Variants in MAN2A1 observed in about 807,000 individuals in gnomAD.
MAN2A1 encodes mannosidase alpha class 2A member 1.
Under a neutral mutation model 142.6 loss-of-function variants are expected in MAN2A1, and 76 were observed. The observed-to-expected ratio is 0.53, with a 90% CI of 0.44 to 0.65. MAN2A1 has a LOEUF of 0.65. Ranked by LOEUF, MAN2A1 falls within the 30% of genes least tolerant of loss-of-function variation. MAN2A1 has a pLI of 0.00. For missense variants in MAN2A1, 1,311 were observed against 1,365.1 expected (o/e 0.96, Z 0.62); for synonymous variants, 559 against 473.2 (o/e 1.18, Z -2.35).
chr5:109,760,572 A>G (rs1196884938), intron 5 of MAN2A1, among the ~76,000 whole-genome samples: 5 of 152,072 alleles, frequency 3.3e-5, no homozygotes, highest in African/African-American at 9.7e-5. Context: ...GTCTTCCACA[A>G]TGGTTGATTT....
At chr5:109,720,142 G>T (rs1751561034) in intron 3 of MAN2A1, among the ~76,000 whole-genome samples, 1 of 152,122 alleles carries the variant, frequency 6.6e-6, no homozygotes, top group Non-Finnish European at 1.5e-5. Context: ...TTACTTCAAA[G>T]AAGTCACAGT....
intron 8 of MAN2A1, among the ~76,000 whole-genome samples, chr5:109,777,741 G>C (rs527460114): frequency 6.6e-6 from 1 of 152,004 alleles, no homozygotes; most frequent in Non-Finnish European, 1.5e-5. Context: ...GCTGTGAATT[G>C]TGTGAGGGTA....
At chr5:109,780,875 A>G (rs1322714219) in intron 8 of MAN2A1, among the ~76,000 whole-genome samples, 2 of 152,166 alleles carry the variant, frequency 1.3e-5, no homozygotes, top group Admixed American at 6.5e-5. Flanking sequence ...CTGTTCTTAA[A>G]GTCCCTTCTC....
chr5:109,814,532 C>T (rs3797686), intron 12 of MAN2A1, among the ~76,000 whole-genome samples: 88,185 of 151,948 alleles, frequency 0.58, 26,167 homozygotes, highest in East Asian at 0.91. Context: ...AATCTCTAAT[C>T]ATGTTAAAAA....
At chr5:109,799,245 T>G (rs1345182499) in intron 12 of MAN2A1, among the ~76,000 whole-genome samples, 3 of 152,196 alleles carry the variant, frequency 2.0e-5, no homozygotes, top group East Asian at 3.9e-4. Context: ...CTTTTTTCCA[T>G]TACCCTAAGG....
chr5:109,775,821 T>C (rs945988423), intron 8 of MAN2A1, among the ~76,000 whole-genome samples: 5 of 152,158 alleles, frequency 3.3e-5, no homozygotes, highest in African/African-American at 1.2e-4. Context: ...CCTCATCTCA[T>C]AAAAAACAAT....
chr5:109,754,542 CA>C (rs1421376530), intron 4 of MAN2A1, among the ~76,000 whole-genome samples: 1 of 152,156 alleles, frequency 6.6e-6, no homozygotes, highest in African/African-American at 2.4e-5. Context: ...GGGTAGTTTG[CA>C]TGATCAACTT....
chr5:109,760,633 C>T (rs939657157), intron 5 of MAN2A1, among the ~76,000 whole-genome samples: 5 of 152,178 alleles, frequency 3.3e-5, no homozygotes, highest in African/African-American at 4.8e-5. Context: ...CATCCTGTCC[C>T]GCATCTGTTG....
At chr5:109,778,166 T>C (rs1280720321) in intron 8 of MAN2A1, among the ~76,000 whole-genome samples, 1 of 152,084 alleles carries the variant, frequency 6.6e-6, no homozygotes, top group Admixed American at 6.6e-5. Context: ...CTACAATTAT[T>C]GGGCCATCTA....
At chr5:109,731,978 A>G (rs1452919348) in intron 4 of MAN2A1, among the ~76,000 whole-genome samples, 3 of 152,144 alleles carry the variant, frequency 2.0e-5, no homozygotes, top group South Asian at 4.2e-4. Context: ...AGTCCCACCA[A>G]TAGTGTAAAA....
intron 12 of MAN2A1, among the ~76,000 whole-genome samples, chr5:109,799,628 C>T (rs2112694210): frequency 6.6e-6 from 1 of 151,990 alleles, no homozygotes; most frequent in African/African-American, 2.4e-5. Context: ...GTGGCGCATG[C>T]CTGGAATCCC....
At chr5:109,751,045 A>C (rs1293272182) in intron 4 of MAN2A1, among the ~76,000 whole-genome samples, 1 of 151,818 alleles carries the variant, frequency 6.6e-6, no homozygotes, top group Non-Finnish European at 1.5e-5. Flanking sequence ...TAGTCACCCT[A>C]CTCTGCTGTC....
In MAN2A1 at chr5:109,860,920, G is replaced by T. The variant is rs980940905; in HGVS notation, c.3172-4116G>T. ...CCTTTTTCAGCCATAAATTGGAGGG[G>T]TTACCTCCTTTAGTTTACAGTATTT... On this transcript the variant is annotated intron_variant, in intron 20 of 21. Coordinates refer to ENST00000261483, the MANE Select transcript of MAN2A1 (RefSeq NM_002372.4). Among the ~76,000 whole-genome samples the T allele has an allele frequency of 2.6e-5, 4 of 152,130 alleles. No individual in the cohort carries two copies. In the South Asian group the frequency reaches 8.3e-4, roughly 32 times the overall value.
intron 1 of MAN2A1, among the ~76,000 whole-genome samples, chr5:109,701,628 G>T (rs1195342595): frequency 6.6e-6 from 1 of 152,184 alleles, no homozygotes; most frequent in East Asian, 1.9e-4. Flanking sequence ...GAAGATTCAA[G>T]TAGGAAGGCA....
chr5:109,751,050 G>T (rs192047929), intron 4 of MAN2A1, among the ~76,000 whole-genome samples: 5 of 152,082 alleles, frequency 3.3e-5, no homozygotes, highest in Admixed American at 3.3e-4. Flanking sequence ...ACCCTACTCT[G>T]CTGTCGAACA....
intron 12 of MAN2A1, among the ~76,000 whole-genome samples, chr5:109,793,393 A>G (rs554385157): frequency 3.9e-5 from 6 of 152,324 alleles, no homozygotes; most frequent in South Asian, 2.1e-4. Flanking sequence ...GTGGTATTAT[A>G]TGCAACATAG....
intron 20 of MAN2A1, among the ~76,000 whole-genome samples, chr5:109,858,436 T>C (rs887113750): frequency 6.6e-6 from 1 of 152,070 alleles, no homozygotes; most frequent in Non-Finnish European, 1.5e-5. Flanking sequence ...TCCATGCTTA[T>C]ACTAAAAAAA....
In MAN2A1 at chr5:109,738,415, T is replaced by G. The variant is rs142911808; in HGVS notation, c.707+8902T>G. ...TGTATGTATCATCATTGATACCATC[T>G]TTTCTCTTTTTTATAATTAATATTG... On this transcript the variant is annotated intron_variant, in intron 4 of 21. Transcript: ENST00000261483. 9.2e-5 allele frequency among the ~76,000 whole-genome samples: 14 copies of G among 152,192 alleles called. 1 individual carries two copies. The East Asian group carries it at 2.5e-3, about 27-fold the overall frequency.
intron 16 of MAN2A1, among the ~76,000 whole-genome samples, chr5:109,830,240 A>T (rs1754872776): frequency 1.3e-5 from 2 of 152,162 alleles, no homozygotes; most frequent in African/African-American, 4.8e-5. Flanking sequence ...TCACATTGGG[A>T]TTTGGAGATC....
Sources: allele counts gnomAD v4.1 joint callset (sites outside exome capture counted in the v4.1 genomes callset), GRCh38; gene constraint gnomAD v4.1.1; transcripts MANE v1.5; gene names NCBI Gene and HGNC (gene_info 2026-07-23, HGNC 2026-07-21).